The following PTPRN2 variants were observed in gnomAD, a reference collection of about 807,000 sequenced individuals.
The protein encoded by PTPRN2 is protein tyrosine phosphatase receptor type N2, also known as receptor-type tyrosine-protein phosphatase N2.
Under a neutral mutation model 118.8 loss-of-function variants are expected in PTPRN2, and 74 were observed. The observed-to-expected ratio is 0.62, with a 90% confidence interval of 0.52 to 0.76. The LOEUF (loss-of-function observed/expected upper bound fraction) is 0.76. Ranked by LOEUF, PTPRN2 falls within the 30% of genes least tolerant of loss-of-function variation. The probability of loss-of-function intolerance (pLI) is 0.00; values close to 1 mark genes in which losing one functional copy is unlikely to be tolerated. For synonymous variants in PTPRN2, 641 were observed against 608.0 expected (o/e 1.05, Z -0.80); for missense variants, 1,481 against 1,394.4 (o/e 1.06, Z -0.99).
intron 12 of PTPRN2, among the ~76,000 whole-genome samples, chr7:157,823,336 C>T (rs1806969452): frequency 6.6e-6 from 1 of 152,190 alleles, no homozygotes; most frequent in Non-Finnish European, 1.5e-5. Context: ...ATTATGTTAT[C>T]ATTAGCTTCA....
chr7:158,381,732 T>A (rs915194510), intron 2 of PTPRN2, among the ~76,000 whole-genome samples: 1 of 152,210 alleles, frequency 6.6e-6, no homozygotes, highest in Non-Finnish European at 1.5e-5. Context: ...GATAAAGACA[T>A]ACCCGAGACT....
intron 3 of PTPRN2, among the ~76,000 whole-genome samples, chr7:158,212,046 G>C (rs1319247573): frequency 6.6e-6 from 1 of 152,178 alleles, no homozygotes; most frequent in Non-Finnish European, 1.5e-5. Context: ...AAAAAGGTGA[G>C]ATTCTTTCAT....
chr7:157,583,766 C>T lies in PTPRN2; in HGVS notation c.2497-5626G>A, dbSNP rs1585063358. The stretch of plus-strand genomic sequence containing the variant: ...GGTGTGTTGGTGGGTGCTGTAATCC[C>T]AGCTACTCAGGAGGCTGAGGCAGGA... On this transcript the variant is annotated intron_variant, in intron 17 of 22. Transcript: ENST00000389418. The surrounding 1 kb of genome is among the most constrained non-coding windows in gnomAD (Gnocchi z 5.5). Among the ~76,000 whole-genome samples, 1 of 152,110 alleles carries T rather than the reference C, an allele frequency of 6.6e-6. No individual in the cohort carries two copies. Among genetic ancestry groups the T allele is most frequent in the African/African-American group, 2.4e-5 (1 of 41,406 alleles).
rs1797456502 is a variant in PTPRN2, at chr7:157,690,983, G to A, written c.1789-8046C>T. Among the ~76,000 whole-genome samples the A allele has an allele frequency of 6.8e-6, 1 of 146,596 alleles. No homozygotes were observed. Reference sequence around the variant, plus strand: ...CGTAGCACCAACCAGCGCGGCCGCCGCGCCCCGCCTTATATCCGGCCCGGC... The same window carrying A: ...CGTAGCACCAACCAGCGCGGCCGCCACGCCCCGCCTTATATCCGGCCCGGC... On this transcript the variant is annotated intron_variant, in intron 12 of 22. Transcript: ENST00000389418. The surrounding 1 kb of genome is among the most constrained non-coding windows in gnomAD (Gnocchi z 7.1).
Position 158,167,129 on chromosome 7 carries a change from C to G in PTPRN2, c.712G>C (p.Asp238His). The G allele has an allele frequency of 1.9e-6, 3 of 1,613,922 alleles. No homozygotes were observed. The East Asian group carries it at 6.7e-5, about 36-fold the overall frequency. Residue 238 changes from aspartate (D) to histidine (H), a missense_variant, in exon 6 of 23, where the codon GAC becomes CAC. Physicochemically the swap from Asp to His is moderately conservative, Grantham distance 81. This residue lies in a region of PTPRN2 where 1,115 missense variants were observed against 994.2 expected (regional missense o/e 1.12). Coordinates refer to ENST00000389418, the MANE Select transcript of PTPRN2 (RefSeq NM_002847.5). ...ELSPKVDSGV[D>H]RHHLMAALSA... is the part of the protein sequence containing the mutation. ...AGGGCCGCCATCAGATGGTGTCTGTCCACACCACTGTCCACCTTAGGGCTG... is the reference window on the plus strand; with the variant it reads ...AGGGCCGCCATCAGATGGTGTCTGTGCACACCACTGTCCACCTTAGGGCTG...
In PTPRN2 at chr7:158,507,087, G is replaced by A. The variant is rs139436407; in HGVS notation, c.113-17302C>T. 6.8e-3 allele frequency among the ~76,000 whole-genome samples: 1,034 copies of A among 152,362 alleles called. 11 individuals carry two copies. The highest frequency in any genetic ancestry group is 0.023 in the African/African-American group (974 of 41,590). On this transcript the variant is annotated intron_variant, in intron 1 of 22. Transcript: ENST00000389418. ...TAGGTTTGAAGGGTGGAGAGGCAGGGAGAGGGGTGGGTAAGCTATGGGTCA... is the reference window on the plus strand; with the variant it reads ...TAGGTTTGAAGGGTGGAGAGGCAGGAAGAGGGGTGGGTAAGCTATGGGTCA...
At chr7:158,327,423 T>C (rs1487835417) in intron 2 of PTPRN2, among the ~76,000 whole-genome samples, 1 of 146,842 alleles carries the variant, frequency 6.8e-6, no homozygotes, top group Non-Finnish European at 1.5e-5. Context: ...ATGTACACGT[T>C]CTCACACACA....
chr7:158,249,110 CACAT>C (rs985542119), intron 3 of PTPRN2, among the ~76,000 whole-genome samples: 1 of 151,772 alleles, frequency 6.6e-6, no homozygotes, highest in African/African-American at 2.4e-5. Flanking sequence ...ATCACACACA[CACAT>C]GAACATGCCA....
intron 10 of PTPRN2, among the ~76,000 whole-genome samples, chr7:158,094,400 C>T (rs960709869): frequency 1.5e-4 from 23 of 152,280 alleles, no homozygotes; most frequent in African/African-American, 5.5e-4. Flanking sequence ...ACCTCTGACT[C>T]CCGGGTTCAA....
At chr7:158,111,294 G>A (rs942158017) in intron 9 of PTPRN2, among the ~76,000 whole-genome samples, 2 of 152,212 alleles carry the variant, frequency 1.3e-5, no homozygotes, top group African/African-American at 2.4e-5. Context: ...TTTCTGATGT[G>A]AACCAGGCCC....
At chr7:157,834,515 A>C (rs2151166985) in intron 12 of PTPRN2, among the ~76,000 whole-genome samples, 1 of 144,738 alleles carries the variant, frequency 6.9e-6, no homozygotes. Flanking sequence ...AATTCCACCC[A>C]CCAATCAGTG....
At chr7:158,442,912 G>A (rs1450294981) in intron 2 of PTPRN2, among the ~76,000 whole-genome samples, 2 of 152,096 alleles carry the variant, frequency 1.3e-5, no homozygotes, top group Non-Finnish European at 2.9e-5. Flanking sequence ...CGGACAAGAG[G>A]AGGACAGGGC....
intron 9 of PTPRN2, among the ~76,000 whole-genome samples, chr7:158,129,836 C>T (rs144902261): frequency 6.6e-6 from 1 of 152,278 alleles, no homozygotes; most frequent in East Asian, 1.9e-4. Flanking sequence ...AAGAAATGAA[C>T]AGCCATGAGA....
At chr7:157,586,740 T>G (rs1393556065) in intron 17 of PTPRN2, among the ~76,000 whole-genome samples, 1 of 152,146 alleles carries the variant, frequency 6.6e-6, no homozygotes, top group African/African-American at 2.4e-5. Context: ...GGGTCTGTCC[T>G]GGATGCTCAG....
intron 12 of PTPRN2, among the ~76,000 whole-genome samples, chr7:157,815,051 C>T (rs1441041755): frequency 6.6e-6 from 1 of 152,246 alleles, no homozygotes; most frequent in African/African-American, 2.4e-5. Flanking sequence ...GCACCTGAAC[C>T]CTCCTAGTCT....
At chr7:157,570,081 T>C (rs1368736395) in intron 20 of PTPRN2, among the ~76,000 whole-genome samples, 1 of 152,206 alleles carries the variant, frequency 6.6e-6, no homozygotes, top group African/African-American at 2.4e-5. Context: ...GCAGTTGGGA[T>C]GGTAAATGTT....
At chr7:157,561,048 C>T (rs1799161666) in intron 21 of PTPRN2, among the ~76,000 whole-genome samples, 1 of 152,320 alleles carries the variant, frequency 6.6e-6, no homozygotes, top group South Asian at 2.1e-4. Context: ...TTCTTCAGTT[C>T]CAGCTCCATT....
intron 11 of PTPRN2, among the ~76,000 whole-genome samples, chr7:157,941,296 T>C (rs1585055589): frequency 1.6e-5 from 1 of 61,256 alleles, no homozygotes; most frequent in African/African-American, 1.2e-4. Flanking sequence ...TCTAACACTC[T>C]CCCCTGTGAC....
chr7:157,916,262 G>A (rs1798387287), intron 11 of PTPRN2, among the ~76,000 whole-genome samples: 1 of 152,144 alleles, frequency 6.6e-6, no homozygotes, highest in Non-Finnish European at 1.5e-5. Flanking sequence ...AGCAGTGCTG[G>A]GTCAGAGGGT....
Sources: allele counts gnomAD v4.1 joint callset (sites outside exome capture counted in the v4.1 genomes callset), GRCh38; gene constraint gnomAD v4.1.1; regional missense constraint gnomAD v4.1.1; non-coding constraint Gnocchi (gnomAD v3.1); transcripts MANE v1.5; gene names NCBI Gene and HGNC (gene_info 2026-07-23, HGNC 2026-07-21).